IFT20: variants seen among roughly 807,000 people sequenced by gnomAD.
The protein encoded by IFT20 is intraflagellar transport protein 20 homolog.
IFT20 carries 4 observed loss-of-function variants against 16.9 expected under a neutral mutation model. The observed-to-expected ratio is 0.24, with a 90% CI of 0.12 to 0.54. The LOEUF is 0.54. Ranked by LOEUF, IFT20 falls within the 20% of genes least tolerant of loss-of-function variation. IFT20 has a pLI of 0.95. For synonymous variants in IFT20, 48 were observed against 49.9 expected, an observed-to-expected ratio of 0.96 and a Z score of 0.16; for missense variants, 154 against 149.7, an observed-to-expected ratio of 1.03 and a Z score of -0.15.
chr17:28,329,068 C>T (rs1457554653), intron 4 of IFT20, 105 bp downstream of exon 4: 1 of 774,396 alleles, frequency 1.3e-6, no homozygotes, highest in African/African-American at 1.8e-5. Flanking sequence ...AGATGCTATT[C>T]CTGGGAAAAC....
chr17:28,333,623 T>C (rs1906933785), intron 1 of IFT20, among the ~76,000 whole-genome samples: 1 of 152,194 alleles, frequency 6.6e-6, no homozygotes, highest in Admixed American at 6.5e-5. Flanking sequence ...TGTAGCTTCC[T>C]TAAAATAGGG....
chr17:28,332,398 C>G (rs1315283163), intron 1 of IFT20: 1 of 541,580 alleles, frequency 1.8e-6, no homozygotes, highest in Non-Finnish European at 3.3e-6. Flanking sequence ...AGAAGACAGA[C>G]ACGGAAACTG....
At chr17:28,330,088 C>A in intron 3 of IFT20, 1 of 554,512 alleles carries the variant, frequency 1.8e-6, no homozygotes, top group Non-Finnish European at 3.1e-6. Flanking sequence ...ACAAAAACCT[C>A]AGCTGGGTGT....
At chr17:28,332,530 T>C (rs986720978) in intron 1 of IFT20, 14 of 257,942 alleles carry the variant, frequency 5.4e-5, no homozygotes, top group Admixed American at 5.0e-5. Flanking sequence ...ATTTACTTTA[T>C]ATATCACCAG....
intron 1 of IFT20, among the ~76,000 whole-genome samples, chr17:28,334,592 A>G (rs1907009538): frequency 6.6e-6 from 1 of 152,252 alleles, no homozygotes. Context: ...AACCGATTGG[A>G]GGGAACAAGA....
At chr17:28,331,632 G>A (rs9896248) in intron 2 of IFT20, 53,118 of 522,188 alleles carry the variant, frequency 0.1, 3,360 homozygotes, top group East Asian at 0.18. Context: ...CATATCTAAA[G>A]ACACCCTCCC....
chr17:28,332,080 A>G (rs2142371754), intron 1 of IFT20, 93 bp from the exon 2 acceptor site: 1 of 1,609,012 alleles, frequency 6.2e-7, no homozygotes. Context: ...CTTGGACACC[A>G]ATGCCAAAAA....
At chr17:28,330,181 A>G (rs1227948760) in intron 3 of IFT20, 5 of 624,388 alleles carry the variant, frequency 8.0e-6, no homozygotes, top group Admixed American at 2.8e-5. Flanking sequence ...GCTTGCAGTG[A>G]GCCGAGATTG....
intron 1 of IFT20, among the ~76,000 whole-genome samples, chr17:28,334,606 G>A (rs944850704): frequency 4.6e-5 from 7 of 152,230 alleles, no homozygotes; most frequent in Non-Finnish European, 8.8e-5. Context: ...AACAAGAGAG[G>A]GCAAAGCCCC....
intron 3 of IFT20, 53 bp from the exon 4 acceptor site, chr17:28,329,329 A>G: frequency 7.3e-7 from 1 of 1,376,924 alleles, no homozygotes; most frequent in African/African-American, 1.4e-5. Context: ...CTACAGCATC[A>G]AGTCCTCAAA....
intron 1 of IFT20, among the ~76,000 whole-genome samples, chr17:28,334,000 T>C (rs1031507646): frequency 6.6e-6 from 1 of 152,096 alleles, no homozygotes; most frequent in South Asian, 2.1e-4. Flanking sequence ...TCCAGAAAGA[T>C]TGAAGTAACA....
At chr17:28,333,456 A>G (rs530759687) in intron 1 of IFT20, among the ~76,000 whole-genome samples, 64 of 152,242 alleles carry the variant, frequency 4.2e-4, no homozygotes, top group Non-Finnish European at 7.9e-4. Context: ...TATGTAATCC[A>G]AAAATTTTAA....
chr17:28,329,435 C>T, intron 3 of IFT20, 159 bp from the exon 4 acceptor site: 1 of 601,786 alleles, frequency 1.7e-6, no homozygotes, highest in Non-Finnish European at 2.9e-6. Context: ...GATTAACCTA[C>T]TGATCACAAA....
chr17:28,331,320 G>A (rs1334759109), intron 2 of IFT20: 1 of 155,376 alleles, frequency 6.4e-6, no homozygotes. Context: ...AAACCCCCCA[G>A]AAAGCTCAGA....
chr17:28,330,372 GGAAGA>G (rs1555576338), intron 3 of IFT20, 66 bp downstream of exon 3: 1 of 1,041,990 alleles, frequency 9.6e-7, no homozygotes, highest in South Asian at 1.3e-5. Flanking sequence ...AAATCAAGAG[GGAAGA>G]GGGATGAGAG....
intron 3 of IFT20, chr17:28,329,549 G>C (rs1267005393): frequency 5.2e-6 from 2 of 383,330 alleles, no homozygotes; most frequent in African/African-American, 2.1e-5. Context: ...TCAGCCTTGT[G>C]CCTTTCACCA....
intron 3 of IFT20, 24 bp downstream of exon 3, chr17:28,330,419 A>T: frequency 1.3e-6 from 2 of 1,559,460 alleles, no homozygotes; most frequent in Non-Finnish European, 1.8e-6. Flanking sequence ...GCCAAGATGT[A>T]GGCGGAAGAC....
At chr17:28,328,915 GTCT>G (rs782367749) in intron 4 of IFT20, 182 bp from the exon 5 acceptor site, 22 of 629,546 alleles carry the variant, frequency 3.5e-5, no homozygotes, top group African/African-American at 5.6e-5. Flanking sequence ...CCCTAGGAAA[GTCT>G]TCTTTCAGAG....
chr17:28,328,571 C>T lies in IFT20; in HGVS notation c.*81G>A, dbSNP rs1906483839. ...GTGACATAGGTCATTGGTCAAGCCG[C>T]TGGAATGCTACAGAGGTTTTTTTGG... On this transcript the variant is annotated 3_prime_UTR_variant, in exon 5 of 5. Coordinates refer to ENST00000395418, the MANE Select transcript of IFT20 (RefSeq NM_001267776.2). The T allele has an allele frequency of 1.2e-6, 1 of 856,650 alleles. No homozygotes were observed. Among genetic ancestry groups the T allele is most frequent in the Non-Finnish European group, 1.9e-6 (1 of 531,582 alleles). 53.1% of individuals were successfully genotyped at this position (856,650 alleles called of 1,614,324 possible).
Sources: gnomAD v4.1 joint callset for allele counts (sites outside exome capture counted in the v4.1 genomes callset) on GRCh38, gnomAD v4.1.1 for gene constraint, MANE v1.5 for transcripts, NCBI Gene and HGNC (gene_info 2026-07-23, HGNC 2026-07-21) for gene names.